Variants in KCNQ5 observed in about 807,000 individuals in gnomAD.
KCNQ5 encodes potassium voltage-gated channel subfamily Q member 5, also known as potassium voltage-gated channel subfamily KQT member 5.
Under a neutral mutation model 98.2 loss-of-function variants are expected in KCNQ5, and 30 were observed. The observed-to-expected ratio is 0.31, with a 90% CI of 0.23 to 0.41. The LOEUF is 0.41. Ranked by LOEUF, KCNQ5 falls within the 10% of genes least tolerant of loss-of-function variation. The pLI, the probability that KCNQ5 is intolerant of heterozygous loss-of-function variation, is 1.00. For missense variants in KCNQ5, 835 were observed against 1,182.5 expected (o/e 0.71, Z 4.31); for synonymous variants, 458 against 449.4 (o/e 1.02, Z -0.24).
intron 1 of KCNQ5, among the ~76,000 whole-genome samples, chr6:72,623,756 A>G (rs933499814): frequency 6.6e-6 from 1 of 152,172 alleles, no homozygotes; most frequent in African/African-American, 2.4e-5. Flanking sequence ...AGAAAGTTGC[A>G]GATACTCGCT....
chr6:73,137,234 T>A (rs1484280468), intron 10 of KCNQ5, among the ~76,000 whole-genome samples: 1 of 152,208 alleles, frequency 6.6e-6, no homozygotes, highest in East Asian at 1.9e-4. Flanking sequence ...TCCATGGCAT[T>A]TTTCTCTTGC....
intron 1 of KCNQ5, among the ~76,000 whole-genome samples, chr6:72,760,805 AGAG>A (rs1455861070): frequency 1.3e-5 from 2 of 152,170 alleles, no homozygotes; most frequent in Non-Finnish European, 2.9e-5. Flanking sequence ...TATCTGAAGG[AGAG>A]AAAGTACAGT....
intron 1 of KCNQ5, among the ~76,000 whole-genome samples, chr6:72,898,981 G>A (rs2150191517): frequency 6.6e-6 from 1 of 152,204 alleles, no homozygotes; most frequent in East Asian, 1.9e-4. Context: ...CTTCTTTTGA[G>A]AACTGTCTGT....
chr6:73,015,491 C>T (rs1487792993), intron 2 of KCNQ5, among the ~76,000 whole-genome samples: 3 of 152,054 alleles, frequency 2.0e-5, no homozygotes, highest in Non-Finnish European at 2.9e-5. Context: ...AAGACCATGC[C>T]TCTATCTACA....
rs1173157231 is a variant in KCNQ5 at position 72,630,196 on chromosome 6, TA to T, written c.398+7614del. ...ACTTGAATAAAATGCAATTTAGAAA[TA>T]AAAAGAACATTAAATTTACTCTTGA... On this transcript the variant is annotated intron_variant, in intron 1 of 13. Coordinates refer to ENST00000370398, the MANE Select transcript of KCNQ5 (RefSeq NM_019842.4). Among the ~76,000 whole-genome samples, 13 of 152,258 alleles carry T rather than the reference TA, an allele frequency of 8.5e-5. No individual in the cohort carries two copies. In the East Asian group the frequency reaches 2.3e-3, roughly 27 times the overall value.
At position 72,661,980 on chromosome 6, in the gene KCNQ5, C is replaced by T. The variant is rs575285260; in HGVS notation, c.398+39393C>T. 8.0e-4 allele frequency among the ~76,000 whole-genome samples: 122 copies of T among 152,140 alleles called. 1 individual carries two copies. The Middle Eastern group carries it at 0.014, about 17-fold the overall frequency. On this transcript the variant is annotated intron_variant, in intron 1 of 13. Coordinates refer to ENST00000370398, the MANE Select transcript of KCNQ5 (RefSeq NM_019842.4). The stretch of plus-strand genomic sequence containing the variant: ...AAATGAACTTATGTGATAGAGGTGG[C>T]GCAGTGCTCATGCTTTCCCATACAA...
chr6:72,977,559 C>T (rs1010107640), intron 1 of KCNQ5, among the ~76,000 whole-genome samples: 3 of 152,060 alleles, frequency 2.0e-5, no homozygotes, highest in Non-Finnish European at 4.4e-5. Context: ...AAGCAGGGGC[C>T]GGAAGACCTA....
At chr6:73,089,641 A>G (rs1325288521) in intron 5 of KCNQ5, among the ~76,000 whole-genome samples, 2 of 152,114 alleles carry the variant, frequency 1.3e-5, no homozygotes, top group Non-Finnish European at 2.9e-5. Context: ...GCTCCCACCT[A>G]TGAGTGAGAA....
chr6:72,859,372 C>T (rs1408635492), intron 1 of KCNQ5, among the ~76,000 whole-genome samples: 1 of 152,062 alleles, frequency 6.6e-6, no homozygotes, highest in Non-Finnish European at 1.5e-5. Context: ...GAATCATCTT[C>T]CAATGTGCAG....
At chr6:72,740,851 A>G (rs1319393408) in intron 1 of KCNQ5, among the ~76,000 whole-genome samples, 1 of 152,174 alleles carries the variant, frequency 6.6e-6, no homozygotes, top group African/African-American at 2.4e-5. Flanking sequence ...CTCCTTCTCC[A>G]GTCTCCTTTA....
At chr6:72,966,165 A>G (rs759035062) in intron 1 of KCNQ5, among the ~76,000 whole-genome samples, 13 of 152,248 alleles carry the variant, frequency 8.5e-5, no homozygotes, top group Admixed American at 1.3e-4. Flanking sequence ...TCTCATAAAT[A>G]TATTACTTTG....
At chr6:73,038,128 G>A (rs954101257) in intron 2 of KCNQ5, among the ~76,000 whole-genome samples, 1 of 151,856 alleles carries the variant, frequency 6.6e-6, no homozygotes, top group African/African-American at 2.4e-5. Context: ...TTTTTATTTG[G>A]AATTATTATA....
At chr6:73,140,506 T>C (rs1027559205) in intron 10 of KCNQ5, among the ~76,000 whole-genome samples, 2 of 152,226 alleles carry the variant, frequency 1.3e-5, no homozygotes, top group Non-Finnish European at 2.9e-5. Context: ...CAGTATCCTA[T>C]TAGGGCTTCC....
intron 1 of KCNQ5, among the ~76,000 whole-genome samples, chr6:72,763,037 A>G (rs1486937927): frequency 1.3e-5 from 2 of 152,078 alleles, no homozygotes; most frequent in Non-Finnish European, 2.9e-5. Context: ...TTCATAAATA[A>G]AAATTTGTTC....
At chr6:73,026,229 G>C (rs1225822969) in intron 2 of KCNQ5, among the ~76,000 whole-genome samples, 3 of 152,168 alleles carry the variant, frequency 2.0e-5, no homozygotes, top group East Asian at 1.9e-4. Flanking sequence ...CCCATTTCTT[G>C]CAGAGTAAAA....
chr6:72,738,654 T>A (rs1273509872), intron 1 of KCNQ5, among the ~76,000 whole-genome samples: 13 of 152,146 alleles, frequency 8.5e-5, no homozygotes, highest in Admixed American at 8.5e-4. Context: ...GCAACCAAGA[T>A]GTCCTTCAGT....
intron 1 of KCNQ5, among the ~76,000 whole-genome samples, chr6:72,919,454 T>C (rs534584736): frequency 6.6e-6 from 1 of 152,326 alleles, no homozygotes; most frequent in East Asian, 1.9e-4. Context: ...AAATGTTTTT[T>C]GGTAATACAC....
At chr6:72,764,656 GTTA>G (rs1277521476) in intron 1 of KCNQ5, among the ~76,000 whole-genome samples, 12 of 151,960 alleles carry the variant, frequency 7.9e-5, no homozygotes, top group Admixed American at 5.3e-4. Flanking sequence ...ATGTACAGTT[GTTA>G]TTATTTACTA....
At chr6:73,001,940 T>C (rs1258545987) in intron 1 of KCNQ5, among the ~76,000 whole-genome samples, 1 of 151,978 alleles carries the variant, frequency 6.6e-6, no homozygotes, top group Non-Finnish European at 1.5e-5. Context: ...AGCAACATGG[T>C]GAGACCCTGT....
Sources: gnomAD v4.1 joint callset for allele counts (sites outside exome capture counted in the v4.1 genomes callset) on GRCh38, gnomAD v4.1.1 for gene constraint, MANE v1.5 for transcripts, NCBI Gene and HGNC (gene_info 2026-07-23, HGNC 2026-07-21) for gene names.